Variants in SAP30BP observed in about 807,000 individuals in gnomAD.
SAP30BP encodes SAP30-binding protein.
SAP30BP carries 31 observed loss-of-function variants against 46.3 expected under a neutral mutation model. That is an observed-to-expected ratio of 0.67 (90% CI 0.50 to 0.90). The LOEUF (loss-of-function observed/expected upper bound fraction) is 0.90. Ranked by LOEUF, SAP30BP falls within the 40% of genes least tolerant of loss-of-function variation. SAP30BP has a pLI of 0.00. For missense variants in SAP30BP, 312 were observed against 391.0 expected, an observed-to-expected ratio of 0.80 and a Z score of 1.70; for synonymous variants, 169 against 144.2, an observed-to-expected ratio of 1.17 and a Z score of -1.23.
At chr17:75,685,266 G>GT (rs2060140074) in intron 3 of SAP30BP, among the ~76,000 whole-genome samples, 1 of 152,198 alleles carries the variant, frequency 6.6e-6, no homozygotes, top group Non-Finnish European at 1.5e-5. Flanking sequence ...ATATGATACA[G>GT]AGGACTGCCT....
At position 75,667,417 on chromosome 17, in the gene SAP30BP, G is replaced by C. The variant is rs372925697; in HGVS notation, c.45G>C (p.Ala15=). The C allele has an allele frequency of 1.7e-5, 27 of 1,614,216 alleles. No homozygotes were observed. In the African/African-American group the frequency reaches 3.6e-4, roughly 22 times the overall value. The change falls in exon 1 of 11, where the codon GCG becomes GCC. Residue 15 remains alanine, a synonymous_variant. Transcript: ENST00000584667. ...TTCTGTCGTCTCTCGCAGTTTACGC[G>C]GAAGATTCAGAGCCCGAGTCTGATG... ...KNVLSSLAVY[A]EDSEPESDGE... is the part of the protein sequence containing the mutation.
intron 2 of SAP30BP, among the ~76,000 whole-genome samples, chr17:75,670,551 G>A (rs1010991250): frequency 2.0e-5 from 3 of 152,160 alleles, no homozygotes; most frequent in Admixed American, 6.5e-5. Context: ...ATGTGTTTTT[G>A]AAGTGTTATT....
intron 4 of SAP30BP, among the ~76,000 whole-genome samples, chr17:75,698,815 C>A (rs1417453078): frequency 2.0e-5 from 3 of 152,238 alleles, no homozygotes; most frequent in Non-Finnish European, 4.4e-5. Flanking sequence ...TGCCACAGAT[C>A]ATGGCGCCTC....
rs1044288944 is a variant in SAP30BP at position 75,671,882 on chromosome 17, G to A, written c.264+19G>A. On this transcript the variant is annotated intron_variant, in intron 3 of 10. Transcript: ENST00000584667. The stretch of plus-strand genomic sequence containing the variant: ...CCCAAAGGTATTTGGTGTTGGCTGT[G>A]GTGGGTGGCTGGATGCAAACAAGGT... 19 of 1,609,394 alleles carry A rather than the reference G, an allele frequency of 1.2e-5. No individual in the cohort carries two copies. Among genetic ancestry groups the A allele is most frequent in the Non-Finnish European group, 1.6e-5 (19 of 1,175,896 alleles).
Position 75,706,939 on chromosome 17 carries a change from C to T in SAP30BP, c.*418C>T, listed in dbSNP as rs926379659. The T allele has an allele frequency of 2.1e-5, 4 of 190,764 alleles. No homozygotes were observed. Among genetic ancestry groups the T allele is most frequent in the African/African-American group, 4.6e-5 (2 of 43,012 alleles). The allele number at this position is 190,764 out of a possible 1,614,324, so 11.8% of individuals were successfully genotyped here. The stretch of plus-strand genomic sequence containing the variant: ...TGACCCAAGAAGTCACCGTTGTTAT[C>T]CGTGTATGCCTCTGGGCATGGACAG... On this transcript the variant is annotated 3_prime_UTR_variant, in exon 11 of 11. Coordinates refer to ENST00000584667, the MANE Select transcript of SAP30BP (RefSeq NM_013260.8). The surrounding 1 kb of genome is among the most constrained non-coding windows in gnomAD (Gnocchi z 4.6).
At chr17:75,679,742 C>G (rs1055586811) in intron 3 of SAP30BP, 7 of 152,158 alleles carry the variant, frequency 4.6e-5, no homozygotes, top group African/African-American at 1.7e-4. Flanking sequence ...TCTCTAACTT[C>G]AAGTTTCTGA....
chr17:75,706,312 G>C lies in SAP30BP; in HGVS notation c.746-28G>C. On this transcript the variant is annotated intron_variant, in intron 10 of 10. Transcript: ENST00000584667. This position sits in a 1 kb window ranked among gnomAD's most constrained non-coding sequence, Gnocchi z 4.6. The stretch of plus-strand genomic sequence containing the variant: ...AGAGGGCACCGCTCATTGGTGGATC[G>C]TGATCCTGATTTCTGCTTTATCTCC... 3 of 1,605,286 alleles carry C rather than the reference G, an allele frequency of 1.9e-6. No individual in the cohort carries two copies. The South Asian group carries it at 3.3e-5, about 18-fold the overall frequency.
chr17:75,669,702 T>C (rs1418013936), intron 2 of SAP30BP, among the ~76,000 whole-genome samples: 1 of 152,212 alleles, frequency 6.6e-6, no homozygotes, highest in Non-Finnish European at 1.5e-5. Context: ...TCTTAACTTC[T>C]TTCTTGACAT....
intron 6 of SAP30BP, 51 bp downstream of exon 6, chr17:75,702,622 A>G (rs2060430835): frequency 1.1e-6 from 1 of 890,852 alleles, no homozygotes; most frequent in Admixed American, 1.9e-5. Flanking sequence ...ATGTTGGACT[A>G]AGGACTAAGA....
At chr17:75,702,458 C>A in intron 5 of SAP30BP, 22 bp from the exon 6 acceptor site, 2 of 1,163,996 alleles carry the variant, frequency 1.7e-6, no homozygotes, top group Non-Finnish European at 2.6e-6. Flanking sequence ...CACCCCCCCA[C>A]CCCCTCTGCT....
intron 3 of SAP30BP, among the ~76,000 whole-genome samples, chr17:75,680,596 A>C (rs934907379): frequency 2.0e-5 from 3 of 152,210 alleles, no homozygotes; most frequent in African/African-American, 7.2e-5. Context: ...GCAGTATACA[A>C]TGCACTTGTT....
chr17:75,686,552 C>T (rs2060160490), intron 3 of SAP30BP, among the ~76,000 whole-genome samples: 1 of 151,946 alleles, frequency 6.6e-6, no homozygotes. Flanking sequence ...AAAAAAGAAA[C>T]CTTCTGTGGT....
At chr17:75,690,808 C>G (rs1377036536) in intron 3 of SAP30BP, 3 of 455,152 alleles carry the variant, frequency 6.6e-6, no homozygotes, top group Admixed American at 4.7e-5. Context: ...CAGATTGATT[C>G]TCCAGAGCCT....
At chr17:75,682,961 CAAAA>C (rs770262344) in intron 3 of SAP30BP, among the ~76,000 whole-genome samples, 6 of 64,142 alleles carry the variant, frequency 9.4e-5, no homozygotes, top group Admixed American at 3.4e-4. Flanking sequence ...GACTTCGTCT[CAAAA>C]AAAAAAAAAA....
chr17:75,689,101 CCTTT>C (rs927595899), intron 3 of SAP30BP, among the ~76,000 whole-genome samples: 29 of 151,926 alleles, frequency 1.9e-4, no homozygotes, highest in Admixed American at 3.9e-4. Flanking sequence ...CCTCTTTCCT[CCTTT>C]CTGTTTTCTA....
rs370680960 is a variant in SAP30BP at position 75,691,869 on chromosome 17, G to A, written c.265-1571G>A. 24 of 196,302 alleles carry A rather than the reference G, an allele frequency of 1.2e-4. No homozygotes were observed. The South Asian group carries it at 1.9e-3, about 16-fold the overall frequency. The allele number at this position is 196,302 out of a possible 1,614,324, so 12.2% of individuals were successfully genotyped here. On this transcript the variant is annotated intron_variant, in intron 3 of 10. Coordinates refer to ENST00000584667, the MANE Select transcript of SAP30BP (RefSeq NM_013260.8). Reference sequence around the variant, plus strand: ...TTGTTACTAACACTCTTGAACACTGGTTTCCTGAGAGTCACTGCTACAAAG... The same window carrying A: ...TTGTTACTAACACTCTTGAACACTGATTTCCTGAGAGTCACTGCTACAAAG...
At chr17:75,674,936 C>T (rs2059968075) in intron 3 of SAP30BP, among the ~76,000 whole-genome samples, 1 of 151,874 alleles carries the variant, frequency 6.6e-6, no homozygotes, top group Non-Finnish European at 1.5e-5. Context: ...CTCCTGGGCT[C>T]AAGTAATCTG....
intron 4 of SAP30BP, among the ~76,000 whole-genome samples, chr17:75,698,188 G>T (rs1029867124): frequency 6.6e-6 from 1 of 152,254 alleles, no homozygotes. Context: ...AGAGAGCAAG[G>T]CCTGCCGGAC....
In SAP30BP at chr17:75,707,465, A is replaced by G. The variant is rs943363271; in HGVS notation, c.*944A>G. 2 of 152,578 alleles carry G rather than the reference A, an allele frequency of 1.3e-5. No individual in the cohort carries two copies. The highest frequency in any genetic ancestry group is 4.8e-5 in the African/African-American group (2 of 41,404). 9.5% of individuals were successfully genotyped at this position (152,578 alleles called of 1,614,324 possible). ...GTTCAGAGGAGACTATTTACCCTTC[A>G]TGATCTTTGGCGATTCTCCACTGGA... On this transcript the variant is annotated 3_prime_UTR_variant, in exon 11 of 11. Coordinates refer to ENST00000584667, the MANE Select transcript of SAP30BP (RefSeq NM_013260.8).
Sources: gnomAD v4.1 joint callset for allele counts (sites outside exome capture counted in the v4.1 genomes callset) on GRCh38, gnomAD v4.1.1 for gene constraint, Gnocchi (gnomAD v3.1) non-coding constraint, MANE v1.5 for transcripts, NCBI Gene and HGNC (gene_info 2026-07-23, HGNC 2026-07-21) for gene names.